The following AKAP19 variants were observed in gnomAD, a reference collection of about 807,000 sequenced individuals.
The protein encoded by AKAP19 is small A-kinase anchoring protein.
At chr2:189,920,134 C>T in the AKAP19 span, among the ~76,000 whole-genome samples, 1 of 152,234 alleles carries the variant, frequency 6.6e-6, no homozygotes, top group Non-Finnish European at 1.5e-5. Context: ...CAGTTTGGTT[C>T]TGGTAACACC....
At chr2:190,103,907 A>G in the AKAP19 span, among the ~76,000 whole-genome samples, 1 of 152,094 alleles carries the variant, frequency 6.6e-6, no homozygotes, top group Non-Finnish European at 1.5e-5. Context: ...ACAAAAAGCC[A>G]AAGGAATCAC....
chr2:189,973,245 T>TG, the AKAP19 span, among the ~76,000 whole-genome samples: 2 of 152,184 alleles, frequency 1.3e-5, no homozygotes, highest in African/African-American at 2.4e-5. Flanking sequence ...GATAATCATG[T>TG]GTTTTTTTGT....
At chr2:190,036,598 A>AT in the AKAP19 span, among the ~76,000 whole-genome samples, 20 of 151,238 alleles carry the variant, frequency 1.3e-4, no homozygotes, top group African/African-American at 4.6e-4. Flanking sequence ...TTTTGGTAGT[A>AT]TTTTTTTTTT....
At chr2:190,013,841 T>A in the AKAP19 span, among the ~76,000 whole-genome samples, 1 of 152,154 alleles carries the variant, frequency 6.6e-6, no homozygotes, top group Non-Finnish European at 1.5e-5. Flanking sequence ...TTAGTCTAGC[T>A]AAAGATTTAT....
the AKAP19 span, among the ~76,000 whole-genome samples, chr2:190,073,702 A>C: frequency 1.3e-5 from 2 of 152,086 alleles, no homozygotes; most frequent in Non-Finnish European, 2.9e-5. Flanking sequence ...TTTATATTAT[A>C]GGACCAGTGT....
chr2:190,196,347 G>C, the AKAP19 span, among the ~76,000 whole-genome samples: 1 of 151,990 alleles, frequency 6.6e-6, no homozygotes, highest in East Asian at 1.9e-4. Context: ...TCCACACAAT[G>C]AATTTTTCAT....
the AKAP19 span, among the ~76,000 whole-genome samples, chr2:189,976,699 G>A: frequency 3.3e-5 from 5 of 152,292 alleles, no homozygotes; most frequent in South Asian, 2.1e-4. Flanking sequence ...CCCCAGCCTC[G>A]CTGCTGCCTT....
At chr2:189,984,241 A>G in the AKAP19 span, among the ~76,000 whole-genome samples, 1 of 152,166 alleles carries the variant, frequency 6.6e-6, no homozygotes, top group African/African-American at 2.4e-5. Context: ...ACTGGAGTCT[A>G]TCTCACCTCT....
the AKAP19 span, among the ~76,000 whole-genome samples, chr2:189,894,449 T>G: frequency 2.0e-5 from 3 of 152,144 alleles, no homozygotes; most frequent in Non-Finnish European, 4.4e-5. Flanking sequence ...AATAAAATCT[T>G]GTTTATTATT....
At chr2:190,059,191 A>G in the AKAP19 span, among the ~76,000 whole-genome samples, 3 of 152,010 alleles carry the variant, frequency 2.0e-5, no homozygotes, top group African/African-American at 7.2e-5. Context: ...TTTGTAAATT[A>G]TATCAATAGA....
chr2:189,932,697 C>A, the AKAP19 span, among the ~76,000 whole-genome samples: 8 of 142,800 alleles, frequency 5.6e-5, no homozygotes, highest in South Asian at 8.5e-4. Flanking sequence ...CAGAGTGATA[C>A]CCTCTCTTTC....
chr2:189,926,569 A>C, the AKAP19 span, among the ~76,000 whole-genome samples: 1 of 132,040 alleles, frequency 7.6e-6, no homozygotes, highest in Non-Finnish European at 1.5e-5. Context: ...TACAGGCGTG[A>C]GCCACCGCGC....
At chr2:189,936,705 A>AC in the AKAP19 span, among the ~76,000 whole-genome samples, 1 of 152,238 alleles carries the variant, frequency 6.6e-6, no homozygotes, top group African/African-American at 2.4e-5. Flanking sequence ...TGTATACACT[A>AC]CTTAATAAAA....
chr2:190,042,768 T>C, the AKAP19 span, among the ~76,000 whole-genome samples: 1 of 152,232 alleles, frequency 6.6e-6, no homozygotes, highest in African/African-American at 2.4e-5. Flanking sequence ...GTGGTTGCTT[T>C]ACACACTGGT....
the AKAP19 span, among the ~76,000 whole-genome samples, chr2:190,133,584 G>T: frequency 6.6e-6 from 1 of 152,182 alleles, no homozygotes; most frequent in African/African-American, 2.4e-5. Context: ...TATGTTCATT[G>T]AGCACTGTTC....
chr2:190,013,491 C>A, the AKAP19 span, among the ~76,000 whole-genome samples: 1 of 151,650 alleles, frequency 6.6e-6, no homozygotes, highest in East Asian at 1.9e-4. Context: ...TGAGTCGTCT[C>A]TCTTTGTTTA....
At chr2:189,986,550 G>A in the AKAP19 span, among the ~76,000 whole-genome samples, 1 of 152,126 alleles carries the variant, frequency 6.6e-6, no homozygotes, top group Non-Finnish European at 1.5e-5. Context: ...ATTTGGCTTA[G>A]CAAAATTTAG....
chr2:190,172,768 A>T, the AKAP19 span, among the ~76,000 whole-genome samples: 2 of 152,170 alleles, frequency 1.3e-5, no homozygotes, highest in Non-Finnish European at 2.9e-5. Context: ...CCATTTTCTC[A>T]TATTTAAAAC....
At chr2:189,917,206 A>G in the AKAP19 span, 1 of 826,052 alleles carries the variant, frequency 1.2e-6, no homozygotes, top group East Asian at 2.8e-5. Context: ...AACAAAATGC[A>G]GTGATCAAAA....
Sources: allele counts gnomAD v4.1 joint callset (sites outside exome capture counted in the v4.1 genomes callset), GRCh38; gene constraint gnomAD v4.1.1; transcripts MANE v1.5; gene names NCBI Gene and HGNC (gene_info 2026-07-23, HGNC 2026-07-21).